DGKK: variants seen among roughly 807,000 people sequenced by gnomAD.
DGKK encodes the protein diacylglycerol kinase kappa, also known as 142 kDa diacylglycerol kinase.
Under a neutral mutation model 92.2 loss-of-function variants are expected in DGKK, and 35 were observed. The ratio of observed to expected loss-of-function variants is 0.38; its 90% CI spans 0.29 to 0.50. The LOEUF (loss-of-function observed/expected upper bound fraction) is 0.50. Ranked by LOEUF, DGKK falls within the 20% of genes least tolerant of loss-of-function variation. DGKK has a pLI of 0.92. For missense variants in DGKK, 910 were observed against 992.2 expected, an observed-to-expected ratio of 0.92 and a Z score of 1.11; for synonymous variants, 368 against 360.6, an observed-to-expected ratio of 1.02 and a Z score of -0.23.
chrX:50,447,385 T>A (rs1177457995), intron 1 of DGKK, among the ~76,000 whole-genome samples: 1 of 17,373 alleles, frequency 5.8e-5, no homozygotes, highest in African/African-American at 4.1e-4. Flanking sequence ...ATATATATAA[T>A]ATATATATAT....
intron 4 of DGKK, among the ~76,000 whole-genome samples, chrX:50,411,931 G>A (rs1557228016): frequency 9.0e-6 from 1 of 111,657 alleles, no homozygotes; most frequent in Non-Finnish European, 1.9e-5. Context: ...TACAGGTTGA[G>A]TATCTCTTAT....
Position 50,420,424 on chromosome X carries a change from G to T in DGKK, c.921C>A (p.Ile307=). 5.0e-6 allele frequency: 6 copies of T among 1,209,047 alleles called. No homozygotes were observed. Among genetic ancestry groups the T allele is most frequent in the Non-Finnish European group, 6.7e-6 (6 of 893,909 alleles). ...MEEWINIIKT[I]QQGEIYKIPA... Reference sequence around the variant, plus strand: ...TTACCTTATAAATTTCTCCCTGTTGGATGGTTTTTATGATGTTAATCCATT... The same window carrying T: ...TTACCTTATAAATTTCTCCCTGTTGTATGGTTTTTATGATGTTAATCCATT... The change falls in exon 4 of 28, where the codon ATC becomes ATA. Residue 307 remains isoleucine (I), a synonymous_variant. Coordinates refer to ENST00000611977, the MANE Select transcript of DGKK (RefSeq NM_001013742.4).
At chrX:50,463,788 G>A (rs1219404427) in intron 1 of DGKK, among the ~76,000 whole-genome samples, 3 of 109,647 alleles carry the variant, frequency 2.7e-5, no homozygotes, top group Admixed American at 9.8e-5. Context: ...TTCCCTTCCC[G>A]CCCCCCATAA....
chrX:50,440,810 C>T (rs1235873061), intron 1 of DGKK, among the ~76,000 whole-genome samples: 3 of 111,808 alleles, frequency 2.7e-5, no homozygotes, highest in Non-Finnish European at 5.7e-5. Context: ...ATTTAGTTCT[C>T]GATTCTGTCA....
At chrX:50,395,398 C>G (rs1274386424) in intron 8 of DGKK, among the ~76,000 whole-genome samples, 1 of 111,444 alleles carries the variant, frequency 9.0e-6, no homozygotes, top group East Asian at 2.8e-4. Flanking sequence ...GAAGCAACTT[C>G]TTGCCAACAT....
At chrX:50,454,572 A>T (rs911625718) in intron 1 of DGKK, among the ~76,000 whole-genome samples, 4 of 111,932 alleles carry the variant, frequency 3.6e-5, no homozygotes, top group Non-Finnish European at 5.7e-5. Flanking sequence ...ATAAGGTCCA[A>T]ATCCCTCTGC....
rs543431175 is a variant in DGKK at position 50,366,625 on chromosome X, C to G, written c.*2315G>C. The stretch of plus-strand genomic sequence containing the variant: ...AGACACAGCCCTGCTTAGTCACTGC[C>G]AAGATAAAGCTATCTTCTCCCAGGA... On this transcript the variant is annotated 3_prime_UTR_variant, in exon 28 of 28. Transcript: ENST00000611977. 8.9e-6 allele frequency: 1 copy of G among 112,156 alleles called. No individual in the cohort carries two copies. The highest frequency in any genetic ancestry group is 9.4e-5 in the Admixed American group (1 of 10,622). 9.2% of individuals were successfully genotyped at this position (112,156 alleles called of 1,213,427 possible). A position where few individuals can be genotyped will look rare whatever the true frequency, so the allele number is the denominator to read the frequency against.
At position 50,368,674 on chromosome X, in the gene DGKK, A is replaced by C; in HGVS notation, c.*266T>G. 3.4e-6 allele frequency: 1 copy of C among 298,144 alleles called. No homozygotes were observed. Among genetic ancestry groups the C allele is most frequent in the Non-Finnish European group, 5.9e-6 (1 of 170,773 alleles). The allele number at this position is 298,144 out of a possible 1,213,427, so 24.6% of individuals were successfully genotyped here. On this transcript the variant is annotated 3_prime_UTR_variant, in exon 28 of 28. Transcript: ENST00000611977. ...GGCCATTCATAAAGAGCTTATCCCA[A>C]TAAATACTGTAGTTGCTCAAGATGC...
rs1923950210 is a variant in DGKK, at chrX:50,365,496, A to G, written c.*3444T>C. 9.0e-6 allele frequency: 1 copy of G among 111,570 alleles called. No individual in the cohort carries two copies. The highest frequency in any genetic ancestry group is 3.3e-5 in the African/African-American group (1 of 30,662). The allele number at this position is 111,570 out of a possible 1,213,427, so 9.2% of individuals were successfully genotyped here. A position where few individuals can be genotyped will look rare whatever the true frequency, so the allele number is the denominator to read the frequency against. ...TGTTCCATTTGGCGGGGGGAGAGGA[A>G]TAGGCACACTTTGTGGATCTTTTTT... On this transcript the variant is annotated 3_prime_UTR_variant, in exon 28 of 28. Transcript: ENST00000611977.
chrX:50,393,363 A>G (rs1337385269), intron 8 of DGKK, 28 bp from the exon 9 acceptor site: 5 of 1,152,101 alleles, frequency 4.3e-6, no homozygotes, highest in East Asian at 3.0e-5. Context: ...AAAAGAAGAA[A>G]AAAAAGAACG....
chrX:50,447,993 CA>C, intron 1 of DGKK, among the ~76,000 whole-genome samples: 1 of 111,121 alleles, frequency 9.0e-6, no homozygotes, highest in South Asian at 3.8e-4. Flanking sequence ...GACCCTTAAG[CA>C]AAAACATCTG....
chrX:50,436,243 G>T (rs782592261), intron 1 of DGKK, among the ~76,000 whole-genome samples: 1 of 112,373 alleles, frequency 8.9e-6, no homozygotes, highest in Admixed American at 9.4e-5. Flanking sequence ...CTAACAGTTG[G>T]TGAGTCCTGA....
intron 12 of DGKK, 55 bp from the exon 13 acceptor site, chrX:50,388,673 C>T: frequency 1.1e-6 from 1 of 879,892 alleles, no homozygotes; most frequent in Non-Finnish European, 1.6e-6. Flanking sequence ...ACACAGTGTG[C>T]TGCCCATCCT....
chrX:50,370,517 G>A lies in DGKK; in HGVS notation c.3645C>T (p.Leu1215=), dbSNP rs1557223022. ...ATTTGGGGAACTTAATTTTCAGCCT[G>A]AGGCTTCTACTGTCAGTGTCCGAAG... ...EKSSDTDSRS[L]RLKIKFPKLG... is the part of the protein sequence containing the mutation. Residue 1215 remains leucine (L), a synonymous_variant, in exon 27 of 28, where the codon CTC becomes CTT. Transcript: ENST00000611977. 5 of 1,196,392 alleles carry A rather than the reference G, an allele frequency of 4.2e-6. No individual in the cohort carries two copies. The South Asian group carries it at 9.2e-5, about 22-fold the overall frequency.
rs1203843804 is a variant in DGKK at position 50,370,478 on chromosome X, C to G, written c.3684G>C (p.Lys1228Asn). ...KIKFPKLGKK[K>N]VEEERKPKSG... ...ATTTAGGCTTGCGTTCCTCTTCTAC[C>G]TTTTTCTTTCCCAATTTGGGGAACT... is the stretch of plus-strand genomic sequence containing the variant. The change falls in exon 27 of 28, where the codon AAG (lysine) becomes AAC (asparagine). Residue 1228 changes from lysine to asparagine, a missense_variant. Transcript: ENST00000611977. 1 of 1,191,628 alleles carries G rather than the reference C, an allele frequency of 8.4e-7. No homozygotes were observed. Among genetic ancestry groups the G allele is most frequent in the African/African-American group, 1.8e-5 (1 of 56,822 alleles).
chrX:50,378,211 T>C lies in DGKK; in HGVS notation c.2998A>G (p.Ile1000Val). ...IAQCHEVMIT[I>V]DGEEGIPVQV... is the part of the protein sequence containing the mutation. ...ACTGGGATACCTTCTTCACCATCAA[T>C]GGTTATCATCACCTCATGGCACTGC... is the stretch of plus-strand genomic sequence containing the variant. Residue 1000 changes from isoleucine (I) to valine (V), a missense_variant, in exon 22 of 28, where the codon ATT (isoleucine) becomes GTT (valine). Coordinates refer to ENST00000611977, the MANE Select transcript of DGKK (RefSeq NM_001013742.4). 3 of 1,210,175 alleles carry C rather than the reference T, an allele frequency of 2.5e-6. No homozygotes were observed. The highest frequency in any genetic ancestry group is 4.6e-4 in the Middle Eastern group (2 of 4,324).
chrX:50,447,352 TATATA>T lies in DGKK; in HGVS notation c.645+22677_645+22681del, dbSNP rs1239871842. ...TATATATATATATATATTATATATA[TATATA>T]ATATATATATATTATATATATATAT... On this transcript the variant is annotated intron_variant, in intron 1 of 27. Coordinates refer to ENST00000611977, the MANE Select transcript of DGKK (RefSeq NM_001013742.4). Among the ~76,000 whole-genome samples, 43 of 8,479 alleles carry T rather than the reference TATATA, an allele frequency of 5.1e-3. 3 individuals carry two copies. Among genetic ancestry groups the T allele is most frequent in the African/African-American group, 0.038 (43 of 1,125 alleles). 7.4% of individuals were successfully genotyped at this position (8,479 alleles called of 115,157 possible). A position where few individuals can be genotyped will look rare whatever the true frequency, so the allele number is the denominator to read the frequency against.
intron 1 of DGKK, among the ~76,000 whole-genome samples, chrX:50,447,349 ATATATATAATATATATATAT>A (rs1926351409): frequency 1.3e-3 from 11 of 8,312 alleles, no homozygotes; most frequent in African/African-American, 9.3e-3. Context: ...TATATTATAT[ATATATATAATATATATATAT>A]TATATATATA....
At chrX:50,397,046 G>C (rs1349592515) in intron 8 of DGKK, among the ~76,000 whole-genome samples, 1 of 111,933 alleles carries the variant, frequency 8.9e-6, no homozygotes, top group Non-Finnish European at 1.9e-5. Context: ...AATGTAAAGG[G>C]AATAAATGTG....
Sources: allele counts gnomAD v4.1 joint callset (sites outside exome capture counted in the v4.1 genomes callset), GRCh38; gene constraint gnomAD v4.1.1; transcripts MANE v1.5; gene names NCBI Gene and HGNC (gene_info 2026-07-23, HGNC 2026-07-21).